The following SLC44A1 variants were observed in gnomAD, a reference collection of about 807,000 sequenced individuals.
The protein encoded by SLC44A1 is solute carrier family 44 member 1.
A neutral mutation model predicts 79.3 loss-of-function variants in SLC44A1; 26 were observed. The observed-to-expected ratio is 0.33, with a 90% CI of 0.24 to 0.46. The LOEUF (loss-of-function observed/expected upper bound fraction) is 0.46, where lower values mean the gene tolerates loss of function less well. Ranked by LOEUF, SLC44A1 falls within the 20% of genes least tolerant of loss-of-function variation. The pLI, the probability that SLC44A1 is intolerant of heterozygous loss-of-function variation, is 1.00. For missense variants in SLC44A1, 688 were observed against 798.1 expected (o/e 0.86, Z 1.66); for synonymous variants, 263 against 286.2 (o/e 0.92, Z 0.82).
At chr9:105,301,453 C>T (rs1249592047) in intron 2 of SLC44A1, among the ~76,000 whole-genome samples, 1 of 152,290 alleles carries the variant, frequency 6.6e-6, no homozygotes, top group East Asian at 1.9e-4. Context: ...GAGCTAACAT[C>T]GTATTTTGCC....
intron 13 of SLC44A1, among the ~76,000 whole-genome samples, chr9:105,375,318 G>T (rs1828245302): frequency 6.6e-6 from 1 of 152,204 alleles, no homozygotes; most frequent in African/African-American, 2.4e-5. Flanking sequence ...GGGATTACAG[G>T]CATGAGCCAC....
At position 105,335,657 on chromosome 9, in the gene SLC44A1, C is replaced by T. The variant is rs376729977; in HGVS notation, c.364C>T (p.Leu122=). 21 of 1,613,554 alleles carry T rather than the reference C, an allele frequency of 1.3e-5. No homozygotes were observed. The African/African-American group carries it at 1.7e-4, about 13-fold the overall frequency. ...LCVAACPRQE[L]KTLSDVQKFA... ...TGTAGCAGCGTGTCCAAGGCAAGAA[C>T]TGAAAACTCTGAGTGATGTTCAGAA... Residue 122 remains leucine, a synonymous_variant, in exon 4 of 16, where the codon CTG becomes TTG. Coordinates refer to ENST00000374720, the MANE Select transcript of SLC44A1 (RefSeq NM_080546.5).
At chr9:105,328,023 T>TC (rs1826634675) in intron 3 of SLC44A1, among the ~76,000 whole-genome samples, 1 of 152,236 alleles carries the variant, frequency 6.6e-6, no homozygotes, top group African/African-American at 2.4e-5. Context: ...CGAGAGTATT[T>TC]CTCTGTTCCT....
intron 15 of SLC44A1, among the ~76,000 whole-genome samples, chr9:105,424,559 C>G (rs1399146232): frequency 6.6e-6 from 1 of 152,218 alleles, no homozygotes; most frequent in South Asian, 2.1e-4. Context: ...CTAACTTTCT[C>G]AGTCCCATAT....
At chr9:105,386,370 A>T in intron 15 of SLC44A1, 4 of 957,616 alleles carry the variant, frequency 4.2e-6, no homozygotes, top group Non-Finnish European at 5.0e-6. Context: ...AATTGTCTGC[A>T]TCCTTAAATA....
At chr9:105,318,915 G>A (rs1283179187) in intron 3 of SLC44A1, among the ~76,000 whole-genome samples, 1 of 152,130 alleles carries the variant, frequency 6.6e-6, no homozygotes. Flanking sequence ...TTAAACAGCT[G>A]GTACAAATGC....
At chr9:105,423,585 T>C (rs1026486778) in intron 15 of SLC44A1, among the ~76,000 whole-genome samples, 2 of 152,222 alleles carry the variant, frequency 1.3e-5, no homozygotes, top group Admixed American at 6.5e-5. Context: ...TTCCTTGTTA[T>C]AAAATATTGC....
intron 3 of SLC44A1, among the ~76,000 whole-genome samples, chr9:105,323,521 T>C (rs1218486044): frequency 6.6e-6 from 1 of 152,200 alleles, no homozygotes; most frequent in Non-Finnish European, 1.5e-5. Flanking sequence ...GTAAAGATCA[T>C]AAATCATGTA....
intron 11 of SLC44A1, 37 bp downstream of exon 11, chr9:105,365,676 A>G: frequency 6.3e-7 from 1 of 1,578,822 alleles, no homozygotes; most frequent in East Asian, 2.2e-5. Flanking sequence ...TTCTGTGGGC[A>G]CATTCCAGAC....
At chr9:105,379,716 G>C (rs1240155800) in intron 13 of SLC44A1, among the ~76,000 whole-genome samples, 1 of 152,170 alleles carries the variant, frequency 6.6e-6, no homozygotes, top group South Asian at 2.1e-4. Context: ...ATGGTCACTG[G>C]CCAATAGGGT....
intron 5 of SLC44A1, among the ~76,000 whole-genome samples, chr9:105,350,647 T>C (rs561010174): frequency 6.6e-6 from 1 of 152,306 alleles, no homozygotes; most frequent in East Asian, 1.9e-4. Flanking sequence ...ATAATTACTT[T>C]CTGTTTGTCA....
rs1828823992 is a variant in SLC44A1, at chr9:105,394,115, A to G, written c.*5059A>G. On this transcript the variant is annotated 3_prime_UTR_variant, in exon 16 of 16. Coordinates refer to ENST00000374720, the MANE Select transcript of SLC44A1 (RefSeq NM_080546.5). ...ATGCTCATAGAATTTCAGGGCCCTC[A>G]GACGGCCAGCTTCCACCCCTGTACC... is the stretch of plus-strand genomic sequence containing the variant. 1 of 985,324 alleles carries G rather than the reference A, an allele frequency of 1.0e-6. No homozygotes were observed. Among genetic ancestry groups the G allele is most frequent in the Non-Finnish European group, 1.2e-6 (1 of 829,950 alleles). The allele number at this position is 985,324 out of a possible 1,614,324, so 61.0% of individuals were successfully genotyped here. A position where few individuals can be genotyped will look rare whatever the true frequency, so the allele number is the denominator to read the frequency against.
intron 15 of SLC44A1, among the ~76,000 whole-genome samples, chr9:105,403,370 T>G (rs2812316): frequency 5.8e-4 from 88 of 151,786 alleles, no homozygotes; most frequent in Non-Finnish European, 9.4e-4. Context: ...AATTGGGATT[T>G]GGGGATGCTA....
At chr9:105,344,613 C>T (rs187707176) in intron 4 of SLC44A1, among the ~76,000 whole-genome samples, 2 of 152,246 alleles carry the variant, frequency 1.3e-5, no homozygotes, top group Non-Finnish European at 2.9e-5. Context: ...AACACCAAAA[C>T]ATAAGATATT....
intron 13 of SLC44A1, among the ~76,000 whole-genome samples, chr9:105,380,594 T>TCA (rs1554687907): frequency 2.6e-5 from 4 of 151,690 alleles, no homozygotes; most frequent in African/African-American, 9.7e-5. Flanking sequence ...ATGTAAATAT[T>TCA]TATATATATA....
At chr9:105,343,718 A>G (rs1827168583) in intron 4 of SLC44A1, among the ~76,000 whole-genome samples, 2 of 152,206 alleles carry the variant, frequency 1.3e-5, no homozygotes, top group South Asian at 4.1e-4. Flanking sequence ...TTCATTCAAC[A>G]AATACTTAGT....
chr9:105,429,558 C>A (rs979975816), intron 15 of SLC44A1, among the ~76,000 whole-genome samples: 3 of 152,128 alleles, frequency 2.0e-5, no homozygotes, highest in African/African-American at 7.2e-5. Flanking sequence ...CTGCGTTGAC[C>A]TCTCAAAGTG....
chr9:105,377,116 A>G (rs992268666), intron 13 of SLC44A1, among the ~76,000 whole-genome samples: 2 of 152,210 alleles, frequency 1.3e-5, no homozygotes, highest in Non-Finnish European at 1.5e-5. Flanking sequence ...CATTATTTAT[A>G]TAGTGACCAA....
intron 3 of SLC44A1, among the ~76,000 whole-genome samples, chr9:105,316,881 C>T (rs191063764): frequency 9.2e-5 from 14 of 152,312 alleles, no homozygotes; most frequent in Non-Finnish European, 1.0e-4. Flanking sequence ...TTCTGTAAAT[C>T]GGAAACTGAA....
Sources: allele counts gnomAD v4.1 joint callset (sites outside exome capture counted in the v4.1 genomes callset), GRCh38; gene constraint gnomAD v4.1.1; transcripts MANE v1.5; gene names NCBI Gene and HGNC (gene_info 2026-07-23, HGNC 2026-07-21).